The following ZMYND11 variants were observed in gnomAD, a reference collection of about 807,000 sequenced individuals.
ZMYND11 encodes zinc finger MYND-type containing 11.
Under a neutral mutation model 84.9 loss-of-function variants are expected in ZMYND11, and 9 were observed. That is an observed-to-expected ratio of 0.11 (90% CI 0.06 to 0.18). ZMYND11 has a LOEUF of 0.18. Among genes scored for constraint, ZMYND11 ranks in the 10% least tolerant of loss-of-function variants. The pLI is 1.00. For synonymous variants in ZMYND11, 250 were observed against 244.1 expected (o/e 1.02, Z -0.23); for missense variants, 409 against 761.0 (o/e 0.54, Z 5.44).
intron 3 of ZMYND11, among the ~76,000 whole-genome samples, chr10:213,569 G>A (rs1210013747): frequency 1.3e-5 from 2 of 152,100 alleles, no homozygotes; most frequent in African/African-American, 4.8e-5. Flanking sequence ...TACTTAGGCA[G>A]TTCTGTTATT....
In ZMYND11 at chr10:239,486, G is replaced by A. The variant is rs775016301; in HGVS notation, c.658G>A (p.Ala220Thr). The part of the protein sequence containing the change: ...YRSYEEFKAD[A>T]QLLLHNTVIF... ...AAGTTATGAAGAGTTCAAAGCTGAT[G>A]CCCAATTGCTTCTCCACAATACCGT... Residue 220 changes from alanine (A) to threonine (T), a missense_variant, in exon 7 of 15, where the codon GCC becomes ACC. By Grantham distance (58) the Ala-to-Thr change is moderately conservative. Around this residue, in one of 7 missense-constraint regions of ZMYND11, gnomAD observed 59 missense variants for 151.0 expected, o/e 0.39. Transcript: ENST00000381604. 2 of 1,613,374 alleles carry A rather than the reference G, an allele frequency of 1.2e-6. No homozygotes were observed. The highest frequency in any genetic ancestry group is 1.1e-5 in the South Asian group (1 of 90,934).
intron 1 of ZMYND11, among the ~76,000 whole-genome samples, chr10:158,412 C>CTTTTTTTTTT (rs372896551): frequency 2.1e-5 from 3 of 142,482 alleles, no homozygotes; most frequent in Non-Finnish European, 4.6e-5. Context: ...TTGTCTTTTC[C>CTTTTTTTTTT]TTTTTTTTTT....
chr10:233,846 C>T (rs1949442188), intron 4 of ZMYND11, among the ~76,000 whole-genome samples: 1 of 152,114 alleles, frequency 6.6e-6, no homozygotes, highest in African/African-American at 2.4e-5. Context: ...TCTGACTTCC[C>T]CAAAATAGGG....
intron 4 of ZMYND11, among the ~76,000 whole-genome samples, chr10:232,932 A>C (rs1313979188): frequency 1.3e-5 from 2 of 152,160 alleles, no homozygotes; most frequent in Non-Finnish European, 2.9e-5. Context: ...TCAAAATAAA[A>C]ACTCAGGTTA....
intron 2 of ZMYND11, among the ~76,000 whole-genome samples, chr10:202,878 T>G (rs147942901): frequency 9.8e-4 from 150 of 152,288 alleles, no homozygotes; most frequent in African/African-American, 3.5e-3. Flanking sequence ...TAATCCATGC[T>G]CTATGGTTGT....
intron 10 of ZMYND11, among the ~76,000 whole-genome samples, chr10:243,481 C>G (rs886425556): frequency 2.0e-5 from 3 of 152,124 alleles, no homozygotes; most frequent in Non-Finnish European, 4.4e-5. Flanking sequence ...TTGCAAGTAG[C>G]TTTATACTGT....
chr10:145,848 A>G (rs1215070953), intron 1 of ZMYND11, among the ~76,000 whole-genome samples: 2 of 151,926 alleles, frequency 1.3e-5, no homozygotes, highest in African/African-American at 4.8e-5. Flanking sequence ...GTTTAATCTG[A>G]TGATTATTTT....
chr10:193,935 A>C (rs1487137316), intron 2 of ZMYND11, among the ~76,000 whole-genome samples: 1 of 152,100 alleles, frequency 6.6e-6, no homozygotes, highest in African/African-American at 2.4e-5. Flanking sequence ...CATTGTGTGG[A>C]TATACCACAA....
chr10:153,698 C>G (rs1032974868), intron 1 of ZMYND11, among the ~76,000 whole-genome samples: 13 of 152,268 alleles, frequency 8.5e-5, no homozygotes, highest in Middle Eastern at 6.8e-3. Context: ...GAATGCTGAC[C>G]TGTTGTCCTA....
intron 2 of ZMYND11, among the ~76,000 whole-genome samples, chr10:189,087 T>TG (rs760043011): frequency 4.1e-4 from 63 of 152,344 alleles, no homozygotes; most frequent in Non-Finnish European, 9.3e-4. Context: ...ATTAATTACT[T>TG]GCGTTGCTTA....
chr10:180,975 G>C (rs1258128361), intron 2 of ZMYND11, among the ~76,000 whole-genome samples: 1 of 151,452 alleles, frequency 6.6e-6, no homozygotes, highest in Admixed American at 6.6e-5. Flanking sequence ...GACAGATTCA[G>C]GATACCAAAA....
intron 2 of ZMYND11, among the ~76,000 whole-genome samples, chr10:192,076 A>G (rs544729870): frequency 6.6e-6 from 1 of 152,328 alleles, no homozygotes; most frequent in South Asian, 2.1e-4. Context: ...GACTTGTCCA[A>G]AGTTATGCAG....
chr10:249,234 T>A, intron 14 of ZMYND11, 146 bp downstream of exon 14: 2 of 1,467,714 alleles, frequency 1.4e-6, no homozygotes, highest in Non-Finnish European at 1.8e-6. Flanking sequence ...GTTTTAAAAA[T>A]TTTATTAAAA....
At chr10:232,491 C>T (rs1280309558) in intron 4 of ZMYND11, among the ~76,000 whole-genome samples, 1 of 152,184 alleles carries the variant, frequency 6.6e-6, no homozygotes, top group Non-Finnish European at 1.5e-5. Flanking sequence ...TGTCGAGAGT[C>T]CTCTTTTTTG....
chr10:154,397 C>G (rs781900993), intron 1 of ZMYND11, among the ~76,000 whole-genome samples: 4 of 152,136 alleles, frequency 2.6e-5, no homozygotes, highest in Non-Finnish European at 5.9e-5. Context: ...ACGGCAAAAT[C>G]ACAACAAAAA....
intron 1 of ZMYND11, among the ~76,000 whole-genome samples, chr10:147,636 TAA>T: frequency 6.7e-6 from 1 of 149,918 alleles, no homozygotes; most frequent in South Asian, 2.1e-4. Context: ...AAAAAGAGGA[TAA>T]TTAAAATAAC....
chr10:143,522 C>G (rs1389772591), intron 1 of ZMYND11, among the ~76,000 whole-genome samples: 2 of 151,790 alleles, frequency 1.3e-5, no homozygotes, highest in Non-Finnish European at 2.9e-5. Context: ...CCAGTTCTTG[C>G]AATACAAAAA....
intron 2 of ZMYND11, 146 bp downstream of exon 2, chr10:180,274 AAAAC>A (rs1465840563): frequency 3.0e-5 from 17 of 563,240 alleles, no homozygotes; most frequent in African/African-American, 9.5e-5. Context: ...TATTATTAGA[AAAAC>A]AAACACAGAA....
intron 4 of ZMYND11, among the ~76,000 whole-genome samples, chr10:229,449 C>G (rs1256761623): frequency 5.3e-5 from 8 of 151,976 alleles, no homozygotes; most frequent in Admixed American, 3.9e-4. Flanking sequence ...AAACTACTCT[C>G]AGTTTTTTTA....
Sources: gnomAD v4.1 joint callset for allele counts (sites outside exome capture counted in the v4.1 genomes callset) on GRCh38, gnomAD v4.1.1 for gene constraint, gnomAD v4.1.1 regional missense constraint, MANE v1.5 for transcripts, NCBI Gene and HGNC (gene_info 2026-07-23, HGNC 2026-07-21) for gene names.